CNTNAP5: variants seen among roughly 807,000 people sequenced by gnomAD.
CNTNAP5 encodes contactin-associated protein-like 5.
A neutral mutation model predicts 150.2 loss-of-function variants in CNTNAP5; 72 were observed. The ratio of observed to expected loss-of-function variants is 0.48; its 90% CI spans 0.40 to 0.58. The LOEUF (loss-of-function observed/expected upper bound fraction) is 0.58, where lower values mean the gene tolerates loss of function less well. CNTNAP5 is among the 20% of genes least tolerant of loss of function. The pLI, the probability that CNTNAP5 is intolerant of heterozygous loss-of-function variation, is 0.00. For missense variants in CNTNAP5, 1,636 were observed against 1,626.2 expected (o/e 1.01, Z -0.10); for synonymous variants, 672 against 619.8 (o/e 1.08, Z -1.25).
intron 1 of CNTNAP5, among the ~76,000 whole-genome samples, chr2:124,216,437 G>A (rs1011429365): frequency 2.0e-5 from 3 of 151,530 alleles, no homozygotes; most frequent in East Asian, 3.9e-4. Context: ...TGTGCACAAC[G>A]TGCGGGTTTG....
At chr2:124,690,904 A>C (rs1679288106) in intron 13 of CNTNAP5, among the ~76,000 whole-genome samples, 1 of 152,086 alleles carries the variant, frequency 6.6e-6, no homozygotes, top group Non-Finnish European at 1.5e-5. Context: ...GGGCAAAGGG[A>C]AAACTTCCCC....
intron 1 of CNTNAP5, among the ~76,000 whole-genome samples, chr2:124,098,633 A>C (rs956322637): frequency 1.3e-5 from 2 of 152,160 alleles, no homozygotes; most frequent in Non-Finnish European, 2.9e-5. Context: ...CAGGTAAAAA[A>C]AATTCCAGGG....
Position 124,197,852 on chromosome 2 carries a change from G to A in CNTNAP5, c.83-23853G>A, listed in dbSNP as rs190507381. On this transcript the variant is annotated intron_variant, in intron 1 of 23. Coordinates refer to ENST00000682447, the MANE Select transcript of CNTNAP5 (RefSeq NM_001367498.1). ...AAAAATTAGCCAGGAGTGGTGGCGG[G>A]TGCCTGTAGTCCCAGCTACTCAGGA... 9.9e-3 allele frequency among the ~76,000 whole-genome samples: 1,508 copies of A among 151,926 alleles called. 22 individuals are homozygous for A. The highest frequency in any genetic ancestry group is 0.035 in the African/African-American group (1,440 of 41,496).
intron 1 of CNTNAP5, among the ~76,000 whole-genome samples, chr2:124,094,286 G>A (rs1682881837): frequency 6.6e-6 from 1 of 152,134 alleles, no homozygotes; most frequent in Non-Finnish European, 1.5e-5. Context: ...TGTCCTATGT[G>A]CATTTAATTT....
At chr2:124,260,233 C>A (rs1006294727) in intron 3 of CNTNAP5, among the ~76,000 whole-genome samples, 3 of 152,136 alleles carry the variant, frequency 2.0e-5, no homozygotes, top group Non-Finnish European at 4.4e-5. Context: ...AAATCTCTCA[C>A]TTTGACAAAC....
At chr2:124,577,292 CT>C (rs1331505326) in intron 11 of CNTNAP5, among the ~76,000 whole-genome samples, 15 of 152,152 alleles carry the variant, frequency 9.9e-5, no homozygotes, top group Non-Finnish European at 1.5e-5. Context: ...GAGAAATTGC[CT>C]TTACTTATTT....
intron 17 of CNTNAP5, among the ~76,000 whole-genome samples, chr2:124,783,326 G>A (rs1205977019): frequency 6.6e-6 from 1 of 152,040 alleles, no homozygotes; most frequent in Non-Finnish European, 1.5e-5. Context: ...AGTTTTAATG[G>A]TTTTATAAGT....
intron 10 of CNTNAP5, among the ~76,000 whole-genome samples, chr2:124,536,194 A>G (rs1411769336): frequency 6.6e-6 from 1 of 152,108 alleles, no homozygotes; most frequent in Non-Finnish European, 1.5e-5. Context: ...CTGCTTTACT[A>G]TTTATCATTT....
chr2:124,907,379 C>G (rs887451216), intron 22 of CNTNAP5, among the ~76,000 whole-genome samples: 2 of 151,672 alleles, frequency 1.3e-5, no homozygotes, highest in Non-Finnish European at 2.9e-5. Flanking sequence ...TTAGCTCTCT[C>G]TCTATCTCTA....
At chr2:124,511,932 T>G (rs978457727) in intron 8 of CNTNAP5, among the ~76,000 whole-genome samples, 15 of 152,032 alleles carry the variant, frequency 9.9e-5, no homozygotes, top group Middle Eastern at 3.4e-3. Context: ...AATAGGGTTT[T>G]TTTTTTTTTT....
At chr2:124,478,532 A>G in intron 7 of CNTNAP5, among the ~76,000 whole-genome samples, 1 of 152,224 alleles carries the variant, frequency 6.6e-6, no homozygotes, top group African/African-American at 2.4e-5. Context: ...GTACACACAC[A>G]CCCACACACA....
At chr2:124,313,863 G>T (rs952823309) in intron 3 of CNTNAP5, among the ~76,000 whole-genome samples, 6 of 152,182 alleles carry the variant, frequency 3.9e-5, no homozygotes, top group African/African-American at 1.4e-4. Context: ...CATTCAATTG[G>T]TGGTGGTTTG....
intron 21 of CNTNAP5, among the ~76,000 whole-genome samples, chr2:124,879,834 G>C (rs925576477): frequency 3.9e-5 from 6 of 152,094 alleles, no homozygotes; most frequent in African/African-American, 1.2e-4. Flanking sequence ...ATCTGGGCCA[G>C]TGTTATAAAT....
chr2:124,406,225 T>C (rs1404301836), intron 3 of CNTNAP5, among the ~76,000 whole-genome samples: 1 of 152,240 alleles, frequency 6.6e-6, no homozygotes, highest in Non-Finnish European at 1.5e-5. Flanking sequence ...ACCTATCTTA[T>C]TGTGCAGGAT....
intron 3 of CNTNAP5, among the ~76,000 whole-genome samples, chr2:124,393,138 C>A (rs1008589456): frequency 6.6e-6 from 1 of 152,088 alleles, no homozygotes; most frequent in African/African-American, 2.4e-5. Flanking sequence ...AGATTTGAAT[C>A]CCTGCCAATT....
intron 6 of CNTNAP5, among the ~76,000 whole-genome samples, chr2:124,454,715 A>T (rs773099620): frequency 2.0e-5 from 3 of 152,200 alleles, no homozygotes; most frequent in Non-Finnish European, 4.4e-5. Context: ...GGGGGAATAA[A>T]TCTGAAAATC....
At chr2:124,854,843 A>C (rs1677318612) in intron 19 of CNTNAP5, among the ~76,000 whole-genome samples, 1 of 152,204 alleles carries the variant, frequency 6.6e-6, no homozygotes, top group Non-Finnish European at 1.5e-5. Flanking sequence ...CAATATGGTG[A>C]AAAGAAAGAT....
At chr2:124,558,432 T>TTCGGTTTGGGTACACAAGGTTTGG (rs11273535) in intron 10 of CNTNAP5, among the ~76,000 whole-genome samples, 1 of 151,912 alleles carries the variant, frequency 6.6e-6, no homozygotes, top group African/African-American at 2.4e-5. Flanking sequence ...GATTGGAAAG[T>TTCGGTTTGGGTACACAAGGTTTGG]AATATCTATT....
chr2:124,185,886 G>A (rs775104403), intron 1 of CNTNAP5, among the ~76,000 whole-genome samples: 3 of 152,154 alleles, frequency 2.0e-5, no homozygotes, highest in South Asian at 4.1e-4. Flanking sequence ...GTTATAATCC[G>A]CTCCTAACTA....
Sources: allele counts gnomAD v4.1 joint callset (sites outside exome capture counted in the v4.1 genomes callset), GRCh38; gene constraint gnomAD v4.1.1; transcripts MANE v1.5; gene names NCBI Gene and HGNC (gene_info 2026-07-23, HGNC 2026-07-21).